ZNF569: variants seen among roughly 807,000 people sequenced by gnomAD.
The protein encoded by ZNF569 is zinc finger protein 569, also known as DNA-binding protein.
In ZNF569, 38 loss-of-function variants were observed where a neutral mutation model predicts 56.3. The ratio of observed to expected loss-of-function variants is 0.68; its 90% confidence interval spans 0.52 to 0.88. ZNF569 has a LOEUF of 0.88. ZNF569 is among the 40% of genes least tolerant of loss of function. The pLI, the probability that ZNF569 is intolerant of heterozygous loss-of-function variation, is 0.00. For synonymous variants in ZNF569, 241 were observed against 262.9 expected (o/e 0.92, Z 0.81); for missense variants, 666 against 809.2 (o/e 0.82, Z 2.15).
intron 3 of ZNF569, among the ~76,000 whole-genome samples, chr19:37,429,744 G>A (rs978701593): frequency 1.3e-5 from 2 of 152,156 alleles, no homozygotes; most frequent in African/African-American, 4.8e-5. Flanking sequence ...TTCCTCTAGT[G>A]GGAAAGCTTT....
chr19:37,428,726 G>C (rs976322865), intron 3 of ZNF569, among the ~76,000 whole-genome samples: 2 of 149,896 alleles, frequency 1.3e-5, no homozygotes, highest in Non-Finnish European at 3.0e-5. Context: ...AGGCTGGAGT[G>C]CAGTGTGGCG....
chr19:37,439,086 T>C (rs2041360478), intron 3 of ZNF569, among the ~76,000 whole-genome samples: 1 of 151,906 alleles, frequency 6.6e-6, no homozygotes, highest in African/African-American at 2.4e-5. Flanking sequence ...TTTTGTTTGT[T>C]TGTGATGGAG....
At chr19:37,459,858 T>A (rs2041729766) in intron 2 of ZNF569, among the ~76,000 whole-genome samples, 2 of 152,106 alleles carry the variant, frequency 1.3e-5, no homozygotes, top group Admixed American at 6.5e-5. Flanking sequence ...GCACTACATA[T>A]GAAGCAGTAT....
chr19:37,430,933 CCT>C (rs1186359991), intron 3 of ZNF569, among the ~76,000 whole-genome samples: 1 of 152,158 alleles, frequency 6.6e-6, no homozygotes, highest in Non-Finnish European at 1.5e-5. Context: ...TCAGTGGTGC[CCT>C]GTCACAGCAG....
upstream of ZNF569, chr19:37,467,913 T>C: frequency 1.3e-6 from 2 of 1,536,144 alleles, no homozygotes; most frequent in Non-Finnish European, 1.7e-6. Flanking sequence ...TTGTTCTTTC[T>C]GGACTTCTCG....
intron 5 of ZNF569, among the ~76,000 whole-genome samples, chr19:37,419,242 A>G (rs991020860): frequency 1.3e-5 from 2 of 152,210 alleles, no homozygotes; most frequent in Non-Finnish European, 2.9e-5. Context: ...GTTTACTGAT[A>G]GTTTACATAA....
intron 5 of ZNF569, 47 bp from the exon 6 acceptor site, chr19:37,414,466 A>T: frequency 6.6e-7 from 1 of 1,519,166 alleles, no homozygotes; most frequent in Non-Finnish European, 8.8e-7. Flanking sequence ...TTTTTCCAAT[A>T]TTGTAATATG....
chr19:37,437,694 T>C (rs2146922545), intron 3 of ZNF569, among the ~76,000 whole-genome samples: 1 of 152,062 alleles, frequency 6.6e-6, no homozygotes, highest in Middle Eastern at 3.4e-3. Context: ...CAGCAAACAA[T>C]CTGACAAAAG....
chr19:37,461,471 G>A (rs940349432), intron 2 of ZNF569, among the ~76,000 whole-genome samples: 3 of 151,698 alleles, frequency 2.0e-5, no homozygotes, highest in Non-Finnish European at 4.4e-5. Flanking sequence ...CATGCCCAGC[G>A]AATTTTTGTA....
chr19:37,433,699 A>G (rs2041261715), intron 3 of ZNF569, among the ~76,000 whole-genome samples: 2 of 152,176 alleles, frequency 1.3e-5, no homozygotes, highest in Admixed American at 1.3e-4. Context: ...GAGTGGCACG[A>G]CATATTTACA....
chr19:37,417,390 A>T (rs1190081596), intron 5 of ZNF569, among the ~76,000 whole-genome samples: 2 of 152,134 alleles, frequency 1.3e-5, no homozygotes, highest in Non-Finnish European at 2.9e-5. Flanking sequence ...CCTCCCAAGT[A>T]GCTGGGACTA....
At chr19:37,450,776 C>T (rs925126532) in intron 2 of ZNF569, among the ~76,000 whole-genome samples, 1 of 151,776 alleles carries the variant, frequency 6.6e-6, no homozygotes, top group Non-Finnish European at 1.5e-5. Context: ...ATGAATTTAC[C>T]TCTCAGTTCT....
At position 37,414,279 on chromosome 19, in the gene ZNF569, A is replaced by G; in HGVS notation, c.379T>C (p.Ser127Pro). 1 of 1,613,740 alleles carries G rather than the reference A, an allele frequency of 6.2e-7. No individual in the cohort carries two copies. The stretch of plus-strand genomic sequence containing the variant: ...TTGTGTCTGGAAGGGAAAAAATCAG[A>G]GTTCAGAGGAAATACATTTGCAAAT... Reference protein sequence around the residue: ...KKFANVFPLNSDFFPSRHNLY... With the variant: ...KKFANVFPLNPDFFPSRHNLY... The change falls in exon 6 of 6, where the codon TCT becomes CCT. Residue 127 changes from serine (S) to proline (P), a missense_variant. Transcript: ENST00000316950.
At position 37,413,656 on chromosome 19, in the gene ZNF569, G is replaced by A. The variant is rs1406698710; in HGVS notation, c.1002C>T (p.Ala334=). The change falls in exon 6 of 6, where the codon GCC becomes GCT. Residue 334 remains alanine (A), a synonymous_variant. Coordinates refer to ENST00000316950, the MANE Select transcript of ZNF569 (RefSeq NM_152484.3). ...KPYACNECGK[A]FPRIASLALH... ...GAGCAAGGGATGCAATTCGAGGGAA[G>A]GCTTTACCACATTCATTACATGCAT... 11 of 1,613,808 alleles carry A rather than the reference G, an allele frequency of 6.8e-6. No individual in the cohort carries two copies. The highest frequency in any genetic ancestry group is 3.3e-5 in the Admixed American group (2 of 59,982).
At chr19:37,454,587 A>G (rs1400586933) in intron 2 of ZNF569, among the ~76,000 whole-genome samples, 1 of 152,098 alleles carries the variant, frequency 6.6e-6, no homozygotes, top group African/African-American at 2.4e-5. Context: ...TTCATTATGC[A>G]GTGATAGGGA....
At chr19:37,458,741 G>A (rs1216782481) in intron 2 of ZNF569, among the ~76,000 whole-genome samples, 2 of 152,170 alleles carry the variant, frequency 1.3e-5, no homozygotes, top group African/African-American at 2.4e-5. Flanking sequence ...TTTGTGCAAT[G>A]AATTTAAAAT....
intron 1 of ZNF569, among the ~76,000 whole-genome samples, chr19:37,465,997 T>C (rs1027597495): frequency 4.6e-5 from 7 of 152,308 alleles, no homozygotes; most frequent in African/African-American, 1.7e-4. Context: ...ACAAGAAAGG[T>C]TGGTTACAGA....
chr19:37,468,922 G>A (rs1001832937), upstream of ZNF569: 84 of 488,576 alleles, frequency 1.7e-4, no homozygotes, highest in Non-Finnish European at 2.0e-4. Context: ...ACAATTCTAG[G>A]AATTCGCCTC....
intron 2 of ZNF569, among the ~76,000 whole-genome samples, chr19:37,450,281 GCTCTTC>G: frequency 6.6e-6 from 1 of 152,316 alleles, no homozygotes; most frequent in East Asian, 1.9e-4. Flanking sequence ...ATGGTCCAGA[GCTCTTC>G]CATTAGGAGG....
Sources: gnomAD v4.1 joint callset for allele counts (sites outside exome capture counted in the v4.1 genomes callset) on GRCh38, gnomAD v4.1.1 for gene constraint, MANE v1.5 for transcripts, NCBI Gene and HGNC (gene_info 2026-07-23, HGNC 2026-07-21) for gene names.